The following AGFG1 variants were observed in gnomAD, a reference collection of about 807,000 sequenced individuals.
The protein encoded by AGFG1 is arf-GAP domain and FG repeat-containing protein 1.
A neutral mutation model predicts 60.6 loss-of-function variants in AGFG1; 10 were observed. The observed-to-expected ratio is 0.16, with a 90% confidence interval of 0.10 to 0.28. The LOEUF is 0.28. Among genes scored for constraint, AGFG1 ranks in the 10% least tolerant of loss-of-function variants. The pLI, the probability that AGFG1 is intolerant of heterozygous loss-of-function variation, is 1.00. For missense variants in AGFG1, 537 were observed against 676.5 expected (o/e 0.79, Z 2.29); for synonymous variants, 247 against 242.9 (o/e 1.02, Z -0.16).
intron 2 of AGFG1, chr2:227,508,632 C>T (rs1421616402): frequency 1.7e-5 from 8 of 469,618 alleles, no homozygotes; most frequent in Non-Finnish European, 3.5e-5. Context: ...GAATGCTTTG[C>T]TTTAAGAGGC....
intron 3 of AGFG1, among the ~76,000 whole-genome samples, chr2:227,521,711 C>T (rs1044657855): frequency 6.6e-6 from 1 of 152,172 alleles, no homozygotes; most frequent in African/African-American, 2.4e-5. Context: ...AGTTTATGGT[C>T]AGCTCTAGCT....
intron 2 of AGFG1, chr2:227,508,563 C>A (rs1691395902): frequency 2.1e-6 from 1 of 465,646 alleles, no homozygotes; most frequent in African/African-American, 2.0e-5. Flanking sequence ...AAGAACACAC[C>A]TTTGGTTAAT....
At chr2:227,522,082 A>G (rs1691843809) in intron 3 of AGFG1, among the ~76,000 whole-genome samples, 2 of 152,236 alleles carry the variant, frequency 1.3e-5, no homozygotes, top group Admixed American at 6.5e-5. Flanking sequence ...CACTGTAACT[A>G]TACTTAAAAC....
intron 10 of AGFG1, among the ~76,000 whole-genome samples, chr2:227,539,636 T>G (rs1275267555): frequency 6.7e-5 from 10 of 149,682 alleles, no homozygotes; most frequent in African/African-American, 2.2e-4. Flanking sequence ...TCCTAGCTAC[T>G]CAGGAGGCTG....
intron 11 of AGFG1, 97 bp from the exon 12 acceptor site, chr2:227,553,607 C>G: frequency 2.1e-6 from 2 of 963,172 alleles, no homozygotes; most frequent in South Asian, 1.7e-5. Context: ...TTTTGCTGCT[C>G]TGGTAGGAAT....
Position 227,554,597 on chromosome 2 carries a change from CAAGAG to C in AGFG1, c.*106_*110del. The C allele has an allele frequency of 1.0e-6, 1 of 997,716 alleles. No individual in the cohort carries two copies. The highest frequency in any genetic ancestry group is 1.6e-5 in the African/African-American group (1 of 61,054). 61.8% of individuals were successfully genotyped at this position (997,716 alleles called of 1,614,324 possible). On this transcript the variant is annotated 3_prime_UTR_variant, in exon 13 of 13. Transcript: ENST00000310078. ...GTTTCACTGATCTTAGCTTTAAACA[CAAGAG>C]AAGTCTTTAAAAAGCCTGCATTGTG...
Position 227,555,716 on chromosome 2 carries a change from CTTGT to C in AGFG1, c.*1224_*1227del, listed in dbSNP as rs1429540857. On this transcript the variant is annotated 3_prime_UTR_variant, in exon 13 of 13. Coordinates refer to ENST00000310078, the MANE Select transcript of AGFG1 (RefSeq NM_004504.5). ...ATCTTTTTGTTAATATTCAAATGAA[CTTGT>C]TTAAGTATCTATGTACAGTAATGCC... 1 of 152,384 alleles carries C rather than the reference CTTGT, an allele frequency of 6.6e-6. No individual in the cohort carries two copies. 9.4% of individuals were successfully genotyped at this position (152,384 alleles called of 1,614,324 possible).
chr2:227,507,602 C>CAAAAAAAA (rs1162277041), intron 2 of AGFG1, among the ~76,000 whole-genome samples: 51 of 61,548 alleles, frequency 8.3e-4, no homozygotes, highest in East Asian at 1.6e-3. Context: ...GACTCTGTCT[C>CAAAAAAAA]AAAAAAAAAA....
rs140251536 is a variant in AGFG1, at chr2:227,472,580, C to T, written c.159C>T (p.Ser53=). 4.0e-5 allele frequency: 63 copies of T among 1,571,712 alleles called. No homozygotes were observed. In the East Asian group the frequency reaches 5.3e-4, roughly 13 times the overall value. ...GCTCCTTCGTGTGTACCTCCTGCTC[C>T]GGCAGCCTGTGAGTGCGGGGCGGCC... ...TVGSFVCTSC[S]GSLRGLNPPH... The change falls in exon 1 of 13, where the codon TCC becomes TCT. Residue 53 remains serine (S), a synonymous_variant. Coordinates refer to ENST00000310078, the MANE Select transcript of AGFG1 (RefSeq NM_004504.5).
chr2:227,480,991 A>G (rs551834791), intron 1 of AGFG1, among the ~76,000 whole-genome samples: 2 of 151,350 alleles, frequency 1.3e-5, no homozygotes, highest in South Asian at 2.1e-4. Flanking sequence ...TTTCTGACCC[A>G]CTTCTTTTCT....
chr2:227,508,780 T>C (rs1180119849), intron 2 of AGFG1: 1 of 389,374 alleles, frequency 2.6e-6, no homozygotes, highest in Non-Finnish European at 5.0e-6. Context: ...TAAAATTATT[T>C]ACTGTTTGTA....
intron 1 of AGFG1, among the ~76,000 whole-genome samples, chr2:227,484,699 T>TG (rs1690573044): frequency 6.2e-5 from 1 of 16,078 alleles, no homozygotes; most frequent in Middle Eastern, 0.016. Context: ...TTTTTTTTTT[T>TG]TTTTTTTTTT....
chr2:227,504,288 G>T (rs1651701889), intron 2 of AGFG1, among the ~76,000 whole-genome samples: 1 of 151,864 alleles, frequency 6.6e-6, no homozygotes, highest in African/African-American at 2.4e-5. Flanking sequence ...GACTTCCTGG[G>T]CTCAGGTGAC....
At chr2:227,538,992 T>A (rs548810529) in intron 10 of AGFG1, among the ~76,000 whole-genome samples, 5 of 152,336 alleles carry the variant, frequency 3.3e-5, no homozygotes, top group Middle Eastern at 6.8e-3. Flanking sequence ...TTTATTAGAT[T>A]ATTATTGAAT....
At chr2:227,483,089 C>G (rs1321620984) in intron 1 of AGFG1, among the ~76,000 whole-genome samples, 2 of 151,206 alleles carry the variant, frequency 1.3e-5, no homozygotes. Context: ...GGTTTACTTA[C>G]CCAACACTTT....
chr2:227,477,598 T>A (rs1169113456), intron 1 of AGFG1, among the ~76,000 whole-genome samples: 2 of 152,128 alleles, frequency 1.3e-5, no homozygotes, highest in Non-Finnish European at 2.9e-5. Context: ...GAAAAAAGAC[T>A]TTTTCTTTTT....
chr2:227,551,782 C>T (rs7598597), intron 10 of AGFG1, among the ~76,000 whole-genome samples, 177 bp from the exon 11 acceptor site: 98,726 of 152,044 alleles, frequency 0.65, 32,012 homozygotes, highest in South Asian at 0.75. Flanking sequence ...CTACAAGTTA[C>T]GTTAAACTGT....
At chr2:227,510,456 A>G (rs1691462829) in intron 2 of AGFG1, among the ~76,000 whole-genome samples, 1 of 152,132 alleles carries the variant, frequency 6.6e-6, no homozygotes, top group South Asian at 2.1e-4. Context: ...TAAACAAACA[A>G]AAAGTAGTAC....
chr2:227,491,560 C>A lies in AGFG1; in HGVS notation c.181C>A (p.Pro61Thr). The change falls in exon 2 of 13, where the codon CCA (proline) becomes ACA (threonine). Residue 61 changes from proline (P) to threonine (T), a missense_variant. Physicochemically the swap from Pro to Thr is conservative, Grantham distance 38. Coordinates refer to ENST00000310078, the MANE Select transcript of AGFG1 (RefSeq NM_004504.5). Reference protein sequence around the residue: ...SCSGSLRGLNPPHRVKSISMT... With the variant: ...SCSGSLRGLNTPHRVKSISMT... ...TTTATCTTTTAGGCGAGGATTAAAT[C>A]CACCACACAGGGTGAAATCTATCTC... is the stretch of plus-strand genomic sequence containing the variant. 1 of 1,547,216 alleles carries A rather than the reference C, an allele frequency of 6.5e-7. No individual in the cohort carries two copies. The highest frequency in any genetic ancestry group is 8.7e-7 in the Non-Finnish European group (1 of 1,150,906).
Sources: gnomAD v4.1 joint callset for allele counts (sites outside exome capture counted in the v4.1 genomes callset) on GRCh38, gnomAD v4.1.1 for gene constraint, MANE v1.5 for transcripts, NCBI Gene and HGNC (gene_info 2026-07-23, HGNC 2026-07-21) for gene names.